PRH1: variants seen among roughly 807,000 people sequenced by gnomAD.
The protein encoded by PRH1 is salivary acidic proline-rich phosphoprotein 1/2.
A neutral mutation model predicts 7.9 loss-of-function variants in PRH1; 7 were observed. The observed-to-expected ratio is 0.89, with a 90% CI of 0.50 to 1.67. PRH1 has a LOEUF of 1.67. Among genes scored for constraint, PRH1 ranks in the 40% most tolerant of loss-of-function variants. The pLI is 0.00. For synonymous variants in PRH1, 45 were observed against 80.8 expected (o/e 0.56, Z 2.38); for missense variants, 109 against 223.6 (o/e 0.49, Z 3.27).
chr12:11,036,043 G>A (rs1194999049), intron 1 of PRH1, among the ~76,000 whole-genome samples: 1 of 152,068 alleles, frequency 6.6e-6, no homozygotes, highest in African/African-American at 2.4e-5. Flanking sequence ...ACAGGAGCCT[G>A]CCACAACGCC....
At position 11,088,717 on chromosome 12, in the gene PRH1, A is replaced by G. The variant is rs114366759; in HGVS notation, n.124-41529T>C. On this transcript the variant is annotated intron_variant and non_coding_transcript_variant, in intron 1 of 4. Coordinates refer to the PRH1 transcript ENST00000541977. ...AGGCTACTGGTCTCAAGCAGAATCCAGAACAAAAGTGGGCTCTACAGAAGA... is the reference window on the plus strand; with the variant it reads ...AGGCTACTGGTCTCAAGCAGAATCCGGAACAAAAGTGGGCTCTACAGAAGA... Among the ~76,000 whole-genome samples the G allele has an allele frequency of 2.9e-3, 330 of 114,614 alleles. 80 individuals are homozygous for G. The highest frequency in any genetic ancestry group is 8.8e-3 in the African/African-American group (300 of 34,096). 75.2% of individuals were successfully genotyped at this position (114,614 alleles called of 152,430 possible). A position where few individuals can be genotyped will look rare whatever the true frequency, so the allele number is the denominator to read the frequency against.
chr12:11,056,387 TTCC>T (rs1402614573), intron 1 of PRH1, among the ~76,000 whole-genome samples: 2 of 146,764 alleles, frequency 1.4e-5, no homozygotes, highest in Non-Finnish European at 3.0e-5. Flanking sequence ...GGATTTTTAT[TTCC>T]TTTCAGTTTT....
At chr12:11,000,198 A>C (rs1020561990) in intron 1 of PRH1, among the ~76,000 whole-genome samples, 2 of 152,112 alleles carry the variant, frequency 1.3e-5, no homozygotes, top group Non-Finnish European at 2.9e-5. Context: ...ATATCTTATC[A>C]ATAATATATT....
Position 10,986,122 on chromosome 12 carries a change from C to T in PRH1, c.-125-12401G>A, listed in dbSNP as rs138389090. The T allele has an allele frequency of 1.5e-5, 24 of 1,613,888 alleles. No individual in the cohort carries two copies. In the South Asian group the frequency reaches 2.0e-4, roughly 13 times the overall value. On this transcript the variant is annotated intron_variant, in intron 1 of 3. Coordinates refer to the PRH1 transcript ENST00000539853. ...AGCCTCCTAGGACTCCAAACCGAAA[C>T]GATTAGGAATAGAAAGAAAATGGCA...
intron 2 of PRH1, among the ~76,000 whole-genome samples, chr12:10,890,567 A>G (rs1170662704): frequency 6.6e-6 from 1 of 152,154 alleles, no homozygotes; most frequent in Non-Finnish European, 1.5e-5. Flanking sequence ...AAAAGAGGGT[A>G]AACTATAAAG....
At chr12:11,014,496 A>G (rs1339541191) in intron 1 of PRH1, among the ~76,000 whole-genome samples, 1 of 152,174 alleles carries the variant, frequency 6.6e-6, no homozygotes, top group Non-Finnish European at 1.5e-5. Flanking sequence ...TCATAAGCCA[A>G]TAGTTAAAGA....
chr12:11,046,365 G>A (rs1942897856), intron 1 of PRH1, among the ~76,000 whole-genome samples: 1 of 152,124 alleles, frequency 6.6e-6, no homozygotes, highest in Non-Finnish European at 1.5e-5. Flanking sequence ...GCATGGTATA[G>A]GGACCAGACA....
rs563100228 is a variant in PRH1 at position 11,149,353 on chromosome 12, T to C, written n.39+22069A>G. 4.1e-3 allele frequency among the ~76,000 whole-genome samples: 618 copies of C among 152,260 alleles called. 6 individuals are homozygous for C. The highest frequency in any genetic ancestry group is 0.013 in the African/African-American group (559 of 41,524). On this transcript the variant is annotated intron_variant and non_coding_transcript_variant, in intron 1 of 1. Transcript: ENST00000541175. ...GCTTTTGAATGTGTTTGCTCTTGCT[T>C]TCGCCAAGTCAATCCTAAGCCAAAA...
At position 11,091,115 on chromosome 12, in the gene PRH1, C is replaced by CATATATATATATATATATAT. The variant is rs1555163213; in HGVS notation, n.124-43947_124-43928dup. On this transcript the variant is annotated intron_variant and non_coding_transcript_variant, in intron 1 of 4. Coordinates refer to the PRH1 transcript ENST00000541977. The stretch of plus-strand genomic sequence containing the variant: ...ACACAAATACACACACACACACACA[C>CATATATATATATATATATAT]ATATATATATATATATATATATATA... Among the ~76,000 whole-genome samples, 115 of 25,090 alleles carry CATATATATATATATATATAT rather than the reference C, an allele frequency of 4.6e-3. 4 individuals are homozygous for CATATATATATATATATATAT. Among genetic ancestry groups the CATATATATATATATATATAT allele is most frequent in the African/African-American group, 8.6e-3 (110 of 12,724 alleles). The allele number at this position is 25,090 out of a possible 152,430, so 16.5% of individuals were successfully genotyped here. A position where few individuals can be genotyped will look rare whatever the true frequency, so the allele number is the denominator to read the frequency against.
rs573550495 is a variant in PRH1, at chr12:11,122,162, T to C, written n.40-982A>G. The stretch of plus-strand genomic sequence containing the variant: ...GAAATTAGTAGACTTTACACAGAGA[T>C]TTAAGATGGCTTCCACATTGGAGTT... On this transcript the variant is annotated intron_variant and non_coding_transcript_variant, in intron 1 of 1. Coordinates refer to the PRH1 transcript ENST00000541175. 1.2e-4 allele frequency among the ~76,000 whole-genome samples: 19 copies of C among 152,332 alleles called. No homozygotes were observed. The South Asian group carries it at 3.7e-3, about 30-fold the overall frequency.
chr12:10,958,036 T>C (rs1458235200), intron 2 of PRH1, among the ~76,000 whole-genome samples: 1 of 152,154 alleles, frequency 6.6e-6, no homozygotes, highest in African/African-American at 2.4e-5. Context: ...AGAATTACCA[T>C]TCAAACCAGC....
intron 1 of PRH1, among the ~76,000 whole-genome samples, chr12:10,979,116 AG>A (rs909851104): frequency 6.6e-6 from 1 of 152,136 alleles, no homozygotes; most frequent in Admixed American, 6.5e-5. Context: ...GGAGGGCAGG[AG>A]GGGGGTGAGG....
chr12:11,070,245 T>C (rs1269111371), intron 1 of PRH1, among the ~76,000 whole-genome samples: 1 of 152,154 alleles, frequency 6.6e-6, no homozygotes, highest in African/African-American at 2.4e-5. Flanking sequence ...GGCATGCGTG[T>C]TAAGAGAGAA....
chr12:10,994,001 G>C (rs890498194), intron 1 of PRH1, among the ~76,000 whole-genome samples: 1 of 152,196 alleles, frequency 6.6e-6, no homozygotes, highest in African/African-American at 2.4e-5. Flanking sequence ...GCCCTTCTAA[G>C]CGTGTGCGTC....
chr12:11,001,119 T>A (rs1940570681), intron 1 of PRH1, among the ~76,000 whole-genome samples: 1 of 152,034 alleles, frequency 6.6e-6, no homozygotes. Flanking sequence ...TTCCGCAAGT[T>A]GGAAGAACCT....
intron 1 of PRH1, among the ~76,000 whole-genome samples, chr12:11,020,307 A>C (rs112134780): frequency 0.063 from 1,141 of 18,152 alleles, no homozygotes; most frequent in East Asian, 0.31. Context: ...AGCGAGACAG[A>C]TATGACCTCT....
intron 1 of PRH1, chr12:11,159,130 C>CA (rs1332330735): frequency 3.9e-5 from 6 of 151,948 alleles, no homozygotes; most frequent in African/African-American, 1.2e-4. Flanking sequence ...GCAAAGAGGT[C>CA]AGAGTCAGAA....
chr12:11,099,594 G>A (rs982163971), intron 1 of PRH1, among the ~76,000 whole-genome samples: 2 of 152,132 alleles, frequency 1.3e-5, no homozygotes, highest in African/African-American at 2.4e-5. Context: ...CTACTCAGAA[G>A]GGTGAGGCAG....
rs1282604011 is a variant in PRH1 at position 10,978,896 on chromosome 12, T to C, written c.-125-5175A>G. 2.3e-5 allele frequency among the ~76,000 whole-genome samples: 3 copies of C among 130,222 alleles called. No individual in the cohort carries two copies. In the Admixed American group the frequency reaches 2.6e-4, roughly 11 times the overall value. 85.4% of individuals were successfully genotyped at this position (130,222 alleles called of 152,430 possible). ...CCTCTCACACCCCTCAGAATGCCTA[T>C]TACAAAACAAACAAACAAACAAACA... On this transcript the variant is annotated intron_variant, in intron 1 of 3. Transcript: ENST00000539853.
Sources: allele counts gnomAD v4.1 joint callset (sites outside exome capture counted in the v4.1 genomes callset), GRCh38; gene constraint gnomAD v4.1.1; transcripts MANE v1.5; gene names NCBI Gene and HGNC (gene_info 2026-07-23, HGNC 2026-07-21).